Variants in KRT16 observed in about 807,000 individuals in gnomAD.
KRT16 encodes the protein keratin, type I cytoskeletal 16.
KRT16 carries 42 observed loss-of-function variants against 44.8 expected under a neutral mutation model. The observed-to-expected ratio is 0.94, with a 90% CI of 0.73 to 1.21. The LOEUF (loss-of-function observed/expected upper bound fraction) is 1.21, where lower values mean the gene tolerates loss of function less well. KRT16 is among the 50% of genes most tolerant of loss of function. The pLI is 0.00. For synonymous variants in KRT16, 226 were observed against 260.4 expected, an observed-to-expected ratio of 0.87 and a Z score of 1.27; for missense variants, 561 against 626.9, an observed-to-expected ratio of 0.89 and a Z score of 1.12.
At position 41,612,484 on chromosome 17, in the gene KRT16, C is replaced by T; in HGVS notation, c.205G>A (p.Gly69Ser). 1 of 1,609,514 alleles carries T rather than the reference C, an allele frequency of 6.2e-7. No homozygotes were observed. The highest frequency in any genetic ancestry group is 8.5e-7 in the Non-Finnish European group (1 of 1,178,072). Reference sequence around the variant, plus strand: ...CTGCTGCTGCTGCTGAAGCCACCGCCATAGCCGCCCCCCAGCCCGCAGGCT... The same window carrying T: ...CTGCTGCTGCTGCTGAAGCCACCGCTATAGCCGCCCCCCAGCCCGCAGGCT... ...GGACGLGGGY[G>S]GGFSSSSSFG... Residue 69 changes from glycine to serine, a missense_variant, in exon 1 of 8, where the codon GGC (glycine) becomes AGC (serine). Physicochemically the swap from Gly to Ser is moderately conservative, Grantham distance 56. Coordinates refer to ENST00000301653, the MANE Select transcript of KRT16 (RefSeq NM_005557.4).
At chr17:41,610,695 C>T in intron 5 of KRT16, 144 bp from the exon 6 acceptor site, 18 of 1,466,186 alleles carry the variant, frequency 1.2e-5, no homozygotes, top group Non-Finnish European at 1.6e-5. Context: ...AAAGCTAGCC[C>T]ACTATTCTAG....
At position 41,610,418 on chromosome 17, in the gene KRT16, T is replaced by A. The variant is rs1489917339; in HGVS notation, c.1193A>T (p.Gln398Leu). 1.2e-6 allele frequency: 2 copies of A among 1,612,152 alleles called. No individual in the cohort carries two copies. The highest frequency in any genetic ancestry group is 2.7e-5 in the African/African-American group (2 of 74,880). ...QLRCEMEQQS[Q>L]EYQILLDVKT... Reference sequence around the variant, plus strand: ...CACATCCAGCAAGATCTGGTACTCCTGGCTCTGCTGCTCCATCTCACAGCG... The same window carrying A: ...CACATCCAGCAAGATCTGGTACTCCAGGCTCTGCTGCTCCATCTCACAGCG... The change falls in exon 6 of 8, where the codon CAG (glutamine) becomes CTG (leucine). Residue 398 changes from glutamine (Q) to leucine (L), a missense_variant. Physicochemically the swap from Gln to Leu is moderately radical, Grantham distance 113. Transcript: ENST00000301653.
Position 41,612,642 on chromosome 17 carries a change from C to A in KRT16, c.47G>T (p.Gly16Val), listed in dbSNP as rs1360364508. The A allele has an allele frequency of 6.2e-7, 1 of 1,601,588 alleles. No homozygotes were observed. Among genetic ancestry groups the A allele is most frequent in the Admixed American group, 1.7e-5 (1 of 58,626 alleles). Residue 16 changes from glycine to valine, a missense_variant, in exon 1 of 8, where the codon GGC (glycine) becomes GTC (valine). Coordinates refer to ENST00000301653, the MANE Select transcript of KRT16 (RefSeq NM_005557.4). ...GATGCCGCCTCCGATGCCGCAGGAGCCCTTCATGGAGCTGGAGGAGGTGAA... is the reference window on the plus strand; with the variant it reads ...GATGCCGCCTCCGATGCCGCAGGAGACCTTCATGGAGCTGGAGGAGGTGAA... The part of the protein sequence containing the change: ...RQFTSSSSMK[G>V]SCGIGGGIGG...
rs1182631337 is a variant in KRT16 at position 41,610,434 on chromosome 17, T to A, written c.1177A>T (p.Met393Leu). 4.3e-6 allele frequency: 7 copies of A among 1,612,090 alleles called. No homozygotes were observed. The highest frequency in any genetic ancestry group is 5.9e-6 in the Non-Finnish European group (7 of 1,179,868). ...TGGTACTCCTGGCTCTGCTGCTCCA[T>A]CTCACAGCGTAGCTGGGCCAGCTGC... ...EEQLAQLRCE[M>L]EQQSQEYQIL... is the part of the protein sequence containing the mutation. The change falls in exon 6 of 8, where the codon ATG becomes TTG. Residue 393 changes from methionine to leucine, a missense_variant. Met to Leu is a conservative substitution (Grantham distance 15, BLOSUM62 2). Coordinates refer to ENST00000301653, the MANE Select transcript of KRT16 (RefSeq NM_005557.4).
rs777623129 is a variant in KRT16, at chr17:41,610,568, GAA to G, written c.1060-19_1060-18del. 17 of 1,611,492 alleles carry G rather than the reference GAA, an allele frequency of 1.1e-5. No individual in the cohort carries two copies. The highest frequency in any genetic ancestry group is 1.7e-5 in the Admixed American group (1 of 59,996). On this transcript the variant is annotated intron_variant, in intron 5 of 7. Transcript: ENST00000301653. Reference sequence around the variant, plus strand: ...GGATGCTTTCTGCAAGTGAGAGAGAGAAAAAGAGTCCATGGAGGTGGTCACTC... The same window carrying G: ...GGATGCTTTCTGCAAGTGAGAGAGAGAAAGAGTCCATGGAGGTGGTCACTC...
intron 3 of KRT16, 49 bp from the exon 4 acceptor site, chr17:41,611,279 G>A: frequency 6.2e-7 from 1 of 1,613,832 alleles, no homozygotes; most frequent in Non-Finnish European, 8.5e-7. Flanking sequence ...TTCTCTCCTG[G>A]CCCTGGGTGC....
chr17:41,612,494 C>T lies in KRT16; in HGVS notation c.195G>A (p.Gly65=), dbSNP rs1362150454. The T allele has an allele frequency of 1.0e-5, 16 of 1,607,182 alleles. No homozygotes were observed. The highest frequency in any genetic ancestry group is 1.3e-5 in the Non-Finnish European group (15 of 1,176,958). The change falls in exon 1 of 8, where the codon GGG becomes GGA. Residue 65 remains glycine (G), a synonymous_variant. Transcript: ENST00000301653. ...TGCTGAAGCCACCGCCATAGCCGCC[C>T]CCCAGCCCGCAGGCTCCCCCAGAGG... is the stretch of plus-strand genomic sequence containing the variant. ...RFSSGGACGL[G]GGYGGGFSSS...
chr17:41,610,212 G>A lies in KRT16; in HGVS notation c.1305C>T (p.Gly435=). ...DAHLSSQQAS[G]QSYSSREVFT... ...TACCCTCGCGGGAAGAATAGGATTGGCCAGATGCTTGCTGGGAGGAAAGGC... is the reference window on the plus strand; with the variant it reads ...TACCCTCGCGGGAAGAATAGGATTGACCAGATGCTTGCTGGGAGGAAAGGC... Residue 435 remains glycine, a synonymous_variant, in exon 7 of 8, where the codon GGC becomes GGT. Transcript: ENST00000301653. 6.2e-7 allele frequency: 1 copy of A among 1,614,008 alleles called. No homozygotes were observed. Among genetic ancestry groups the A allele is most frequent in the Non-Finnish European group, 8.5e-7 (1 of 1,179,868 alleles).
chr17:41,610,506 A>C lies in KRT16; in HGVS notation c.1105T>G (p.Cys369Gly), dbSNP rs1422820433. The C allele has an allele frequency of 1.9e-6, 3 of 1,612,000 alleles. No homozygotes were observed. In the African/African-American group the frequency reaches 4.0e-5, roughly 22 times the overall value. Residue 369 changes from cysteine to glycine, a missense_variant, in exon 6 of 8, where the codon TGC becomes GGC. By Grantham distance (159) the Cys-to-Gly change is radical (BLOSUM62 -3). Coordinates refer to ENST00000301653, the MANE Select transcript of KRT16 (RefSeq NM_005557.4). ...NSLEETKGRYCMQLSQIQGLI... is the reference protein window; with the variant it reads ...NSLEETKGRYGMQLSQIQGLI... ...CCCTGGATCTGGGACAGCTGCATGC[A>C]GTAGCGGCCTTTGGTCTCCTCCAGG...
At chr17:41,612,122 G>C (rs1317482806) in intron 1 of KRT16, 36 bp downstream of exon 1, 1 of 1,609,808 alleles carries the variant, frequency 6.2e-7, no homozygotes, top group African/African-American at 1.3e-5. Context: ...TGTAGCCCCA[G>C]CCTCTCTCAG....
At chr17:41,612,034 T>A in intron 1 of KRT16, 124 bp downstream of exon 1, 1 of 1,216,320 alleles carries the variant, frequency 8.2e-7, no homozygotes, top group South Asian at 1.2e-5. Context: ...CCCTGGGTGA[T>A]CCTGGCCACT....
Position 41,612,743 on chromosome 17 carries a change from C to T in KRT16, c.-55G>A. On this transcript the variant is annotated 5_prime_UTR_variant, in exon 1 of 8. Coordinates refer to ENST00000301653, the MANE Select transcript of KRT16 (RefSeq NM_005557.4). The stretch of plus-strand genomic sequence containing the variant: ...CAGTTGGCTGAAAGAAGGAAAGGTG[C>T]TCAGGAAGGCTGAGAGCGTGCTGTG... 3 of 1,542,622 alleles carry T rather than the reference C, an allele frequency of 1.9e-6. No individual in the cohort carries two copies. Among genetic ancestry groups the T allele is most frequent in the South Asian group, 1.2e-5 (1 of 84,462 alleles).
chr17:41,610,103 C>T, intron 7 of KRT16, 74 bp from the exon 8 acceptor site: 7 of 1,587,046 alleles, frequency 4.4e-6, no homozygotes, highest in Non-Finnish European at 6.0e-6. Flanking sequence ...GAAGGGAGGG[C>T]TGGGAGCTCT....
chr17:41,610,319 C>T lies in KRT16; in HGVS notation c.1280+12G>A, dbSNP rs1466436257. ...GGGTCTGGGAGGCAGAACTGAGGGGCCTGGGACTCACTGGGCATCCTCGCC... is the reference window on the plus strand; with the variant it reads ...GGGTCTGGGAGGCAGAACTGAGGGGTCTGGGACTCACTGGGCATCCTCGCC... On this transcript the variant is annotated intron_variant, in intron 6 of 7. Transcript: ENST00000301653. 5.0e-6 allele frequency: 8 copies of T among 1,613,104 alleles called. No individual in the cohort carries two copies. The highest frequency in any genetic ancestry group is 2.7e-5 in the African/African-American group (2 of 74,900).
In KRT16 at chr17:41,610,408, C is replaced by A; in HGVS notation, c.1203G>T (p.Gln401His). The A allele has an allele frequency of 6.2e-7, 1 of 1,612,286 alleles. No homozygotes were observed. Among genetic ancestry groups the A allele is most frequent in the Non-Finnish European group, 8.5e-7 (1 of 1,179,868 alleles). The change falls in exon 6 of 8, where the codon CAG becomes CAT. Residue 401 changes from glutamine to histidine, a missense_variant. Transcript: ENST00000301653. ...CEMEQQSQEYQILLDVKTRLE... is the reference protein window; with the variant it reads ...CEMEQQSQEYHILLDVKTRLE... ...GCCGCGTCTTCACATCCAGCAAGAT[C>A]TGGTACTCCTGGCTCTGCTGCTCCA...
chr17:41,611,488 G>C lies in KRT16; in HGVS notation c.628C>G (p.Leu210Val). 1 of 1,613,966 alleles carries C rather than the reference G, an allele frequency of 6.2e-7. No homozygotes were observed. The highest frequency in any genetic ancestry group is 8.5e-7 in the Non-Finnish European group (1 of 1,180,036). ...DDFRTKYEHE[L>V]ALRQTVEADV... ...GCCTCCACAGTCTGCCGCAGGGCCA[G>C]TTCATGCTCATACCTGGCAGGACAG... The change falls in exon 3 of 8, where the codon CTG becomes GTG. Residue 210 changes from leucine to valine, a missense_variant. Transcript: ENST00000301653.
rs775300928 is a variant in KRT16, at chr17:41,612,516, G to A, written c.173C>T (p.Ser58Phe). 2.5e-6 allele frequency: 4 copies of A among 1,601,188 alleles called. No homozygotes were observed. In the Admixed American group the frequency reaches 7.0e-5, roughly 28 times the overall value. Residue 58 changes from serine to phenylalanine, a missense_variant, in exon 1 of 8, where the codon TCT becomes TTT. By Grantham distance (155) the Ser-to-Phe change is radical. Coordinates refer to ENST00000301653, the MANE Select transcript of KRT16 (RefSeq NM_005557.4). The stretch of plus-strand genomic sequence containing the variant: ...GCCCCCCAGCCCGCAGGCTCCCCCA[G>A]AGGAGAAGCGAGAGGAGACAGACAG... ...GGLSVSSRFS[S>F]GGACGLGGGY...
At position 41,611,420 on chromosome 17, in the gene KRT16, C is replaced by G. The variant is rs778190817; in HGVS notation, c.696G>C (p.Leu232=). Residue 232 remains leucine, a synonymous_variant, in exon 3 of 8, where the codon CTG becomes CTC. Coordinates refer to ENST00000301653, the MANE Select transcript of KRT16 (RefSeq NM_005557.4). ...TCTGCATCTCCAGGTCAGTCCTGGC[C>G]AGGGTCAGCTCATCCAACACCCGGC... is the stretch of plus-strand genomic sequence containing the variant. The part of the protein sequence containing the change: ...GLRRVLDELT[L]ARTDLEMQIE... 5.6e-6 allele frequency: 9 copies of G among 1,614,256 alleles called. No homozygotes were observed. Among genetic ancestry groups the G allele is most frequent in the Non-Finnish European group, 7.6e-6 (9 of 1,180,050 alleles).
chr17:41,610,080 T>C, intron 7 of KRT16, 51 bp from the exon 8 acceptor site: 2 of 1,578,270 alleles, frequency 1.3e-6, no homozygotes, highest in Non-Finnish European at 1.7e-6. Flanking sequence ...CTAAGCTGAC[T>C]CCAGGGCAGG....
Sources: allele counts gnomAD v4.1 joint callset, GRCh38; gene constraint gnomAD v4.1.1; transcripts MANE v1.5; gene names NCBI Gene and HGNC (gene_info 2026-07-23, HGNC 2026-07-21).